PTPRE: variants seen among roughly 807,000 people sequenced by gnomAD.
The protein encoded by PTPRE is receptor-type tyrosine-protein phosphatase epsilon.
A neutral mutation model predicts 102.0 loss-of-function variants in PTPRE; 51 were observed. That is an observed-to-expected ratio of 0.50 (90% CI 0.40 to 0.63). The LOEUF is 0.63. Among genes scored for constraint, PTPRE ranks in the 30% least tolerant of loss-of-function variants. The pLI is 0.00. For synonymous variants in PTPRE, 345 were observed against 348.2 expected (o/e 0.99, Z 0.10); for missense variants, 752 against 915.1 (o/e 0.82, Z 2.30).
chr10:128,037,823 G>A (rs536185186), intron 2 of PTPRE, among the ~76,000 whole-genome samples: 10 of 152,122 alleles, frequency 6.6e-5, no homozygotes, highest in South Asian at 2.1e-4. Context: ...TATGAGTCTC[G>A]CTCTATTGCC....
At chr10:128,026,028 C>T (rs1001934122) in intron 2 of PTPRE, among the ~76,000 whole-genome samples, 2 of 152,222 alleles carry the variant, frequency 1.3e-5, no homozygotes, top group African/African-American at 4.8e-5. Context: ...TCCAGCACCC[C>T]GAGAGTCTCC....
At position 128,060,955 on chromosome 10, in the gene PTPRE, G is replaced by C. The variant is rs746406059; in HGVS notation, c.528G>C (p.Val176=). The C allele has an allele frequency of 6.2e-7, 1 of 1,614,138 alleles. No individual in the cohort carries two copies. Among genetic ancestry groups the C allele is most frequent in the Non-Finnish European group, 8.5e-7 (1 of 1,180,002 alleles). ...PNILPNDHSR[V]ILSQLDGIPC... is the part of the protein sequence containing the mutation. Reference sequence around the variant, plus strand: ...TTTTTCCAGATGACCATTCTAGGGTGATTCTGAGCCAACTGGATGGAATTC... The same window carrying C: ...TTTTTCCAGATGACCATTCTAGGGTCATTCTGAGCCAACTGGATGGAATTC... The change falls in exon 8 of 21, where the codon GTG becomes GTC. Residue 176 remains valine (V), a synonymous_variant. Coordinates refer to ENST00000254667, the MANE Select transcript of PTPRE (RefSeq NM_006504.6).
At chr10:128,069,164 A>C (rs1028819521) in intron 12 of PTPRE, 2 of 152,628 alleles carry the variant, frequency 1.3e-5, no homozygotes, top group African/African-American at 4.8e-5. Flanking sequence ...GGCCAAGCAG[A>C]GGCTGGACCC....
intron 2 of PTPRE, among the ~76,000 whole-genome samples, chr10:127,986,581 C>T (rs1419040113): frequency 6.6e-6 from 1 of 152,232 alleles, no homozygotes; most frequent in African/African-American, 2.4e-5. Flanking sequence ...TTAGGCTTCC[C>T]TTCACTCGCT....
At chr10:128,003,027 G>T (rs766281491) in intron 2 of PTPRE, among the ~76,000 whole-genome samples, 1 of 152,238 alleles carries the variant, frequency 6.6e-6, no homozygotes, top group African/African-American at 2.4e-5. Flanking sequence ...GTTGGGTTTT[G>T]TGCCTCTGCA....
chr10:127,991,668 C>T (rs1247090432), intron 2 of PTPRE, among the ~76,000 whole-genome samples: 29 of 152,286 alleles, frequency 1.9e-4, no homozygotes, highest in African/African-American at 6.5e-4. Context: ...TTTGGGAAGT[C>T]GCGTGGGAGG....
intron 11 of PTPRE, 75 bp downstream of exon 11, chr10:128,066,269 T>G: frequency 1.9e-6 from 3 of 1,574,790 alleles, no homozygotes; most frequent in Non-Finnish European, 2.6e-6. Flanking sequence ...AACATCCTTC[T>G]GCATTTATGA....
At chr10:127,968,873 T>G (rs994542634) in intron 1 of PTPRE, among the ~76,000 whole-genome samples, 1 of 152,252 alleles carries the variant, frequency 6.6e-6, no homozygotes, top group Admixed American at 6.5e-5. Flanking sequence ...TAAGTTCTGT[T>G]TTAAGCTTCC....
rs59411622 is a variant in PTPRE at position 128,041,646 on chromosome 10, CAAAAAAAAAAAA to C, written c.109+670_109+681del. Among the ~76,000 whole-genome samples, 21 of 77,366 alleles carry C rather than the reference CAAAAAAAAAAAA, an allele frequency of 2.7e-4. 1 individual carries two copies. Among genetic ancestry groups the C allele is most frequent in the African/African-American group, 4.9e-4 (9 of 18,358 alleles). The allele number at this position is 77,366 out of a possible 152,430, so 50.8% of individuals were successfully genotyped here. On this transcript the variant is annotated intron_variant, in intron 3 of 20. Coordinates refer to ENST00000254667, the MANE Select transcript of PTPRE (RefSeq NM_006504.6). ...CTGGCAACAGACAGAGACTACGTCT[CAAAAAAAAAAAA>C]AAAAAAAAAAAAAGAATTATTCTTA...
intron 3 of PTPRE, among the ~76,000 whole-genome samples, chr10:128,042,546 G>A (rs1196463597): frequency 1.3e-5 from 2 of 152,178 alleles, no homozygotes; most frequent in South Asian, 2.1e-4. Flanking sequence ...GCTGGTCCAC[G>A]AGCAAGAGGG....
At chr10:127,955,100 G>T (rs1352453449) in intron 1 of PTPRE, among the ~76,000 whole-genome samples, 2 of 151,982 alleles carry the variant, frequency 1.3e-5, no homozygotes, top group East Asian at 3.9e-4. Flanking sequence ...AAGATCTTCT[G>T]GAATACAGAA....
At chr10:128,021,907 T>C (rs1845916394) in intron 2 of PTPRE, among the ~76,000 whole-genome samples, 1 of 152,230 alleles carries the variant, frequency 6.6e-6, no homozygotes, top group Non-Finnish European at 1.5e-5. Context: ...TTCATTCCTG[T>C]TCGAGGCTTT....
At chr10:127,988,609 G>A (rs760678463) in intron 2 of PTPRE, among the ~76,000 whole-genome samples, 4 of 152,118 alleles carry the variant, frequency 2.6e-5, no homozygotes, top group Non-Finnish European at 5.9e-5. Context: ...CTGGCCTGCG[G>A]TGACTTTTTA....
chr10:128,017,896 G>A (rs562227367), intron 2 of PTPRE, among the ~76,000 whole-genome samples: 2 of 152,304 alleles, frequency 1.3e-5, no homozygotes, highest in East Asian at 1.9e-4. Context: ...TCCACAAAAC[G>A]ACCTTCTCGG....
intron 1 of PTPRE, among the ~76,000 whole-genome samples, chr10:127,937,695 C>A (rs991714508): frequency 6.6e-6 from 1 of 150,488 alleles, no homozygotes; most frequent in Non-Finnish European, 1.5e-5. Flanking sequence ...CCCATCTCTA[C>A]TAAAAATACA....
intron 2 of PTPRE, among the ~76,000 whole-genome samples, chr10:128,026,187 A>G (rs1846278029): frequency 6.6e-6 from 1 of 152,162 alleles, no homozygotes; most frequent in Non-Finnish European, 1.5e-5. Flanking sequence ...TCAAACCCCC[A>G]GCGCCTCTCT....
chr10:128,009,476 GCT>G (rs1185293642), intron 2 of PTPRE, among the ~76,000 whole-genome samples: 4 of 152,210 alleles, frequency 2.6e-5, no homozygotes, highest in Non-Finnish European at 5.9e-5. Flanking sequence ...AGGGCACGGA[GCT>G]GACATTTGCA....
chr10:127,926,958 T>C (rs577937015), intron 1 of PTPRE, among the ~76,000 whole-genome samples: 53 of 151,752 alleles, frequency 3.5e-4, no homozygotes, highest in African/African-American at 1.2e-3. Context: ...ATTACAGGTG[T>C]GCACCACCAC....
chr10:128,081,938 G>A (rs904467757), intron 20 of PTPRE, among the ~76,000 whole-genome samples: 1 of 152,210 alleles, frequency 6.6e-6, no homozygotes, highest in Non-Finnish European at 1.5e-5. Flanking sequence ...AAGAGCCCAA[G>A]TGCAATGTGT....
Sources: gnomAD v4.1 joint callset for allele counts (sites outside exome capture counted in the v4.1 genomes callset) on GRCh38, gnomAD v4.1.1 for gene constraint, MANE v1.5 for transcripts, NCBI Gene and HGNC (gene_info 2026-07-23, HGNC 2026-07-21) for gene names.